The following TBC1D8 variants were observed in gnomAD, a reference collection of about 807,000 sequenced individuals.
TBC1D8 encodes the protein BUB2-like protein 1.
Under a neutral mutation model 118.8 loss-of-function variants are expected in TBC1D8, and 65 were observed. That is an observed-to-expected ratio of 0.55 (90% confidence interval 0.45 to 0.67). The LOEUF is 0.67. Ranked by LOEUF, TBC1D8 falls within the 30% of genes least tolerant of loss-of-function variation. The pLI is 0.00. For missense variants in TBC1D8, 1,376 were observed against 1,471.2 expected, an observed-to-expected ratio of 0.94 and a Z score of 1.06; for synonymous variants, 566 against 595.8, an observed-to-expected ratio of 0.95 and a Z score of 0.73.
At chr2:101,065,551 C>G (rs1360148663) in intron 2 of TBC1D8, among the ~76,000 whole-genome samples, 2 of 152,210 alleles carry the variant, frequency 1.3e-5, no homozygotes, top group East Asian at 3.8e-4. Context: ...AACATCTAAT[C>G]TGTAAGTCGA....
chr2:101,022,689 T>C (rs1204590272), intron 15 of TBC1D8, among the ~76,000 whole-genome samples, 168 bp from the exon 16 acceptor site: 2 of 152,272 alleles, frequency 1.3e-5, no homozygotes, highest in East Asian at 1.9e-4. Flanking sequence ...CATGTAATTT[T>C]CACGTTGGTT....
chr2:101,011,166 T>G (rs1679180054), intron 18 of TBC1D8, 140 bp from the exon 19 acceptor site: 1 of 827,502 alleles, frequency 1.2e-6, no homozygotes, highest in East Asian at 2.6e-5. Flanking sequence ...AGCAAGAGAT[T>G]CCCCTGGAGA....
At chr2:101,026,860 CAG>C (rs1436673136) in intron 15 of TBC1D8, among the ~76,000 whole-genome samples, 32 of 152,176 alleles carry the variant, frequency 2.1e-4, no homozygotes, top group African/African-American at 7.5e-4. Flanking sequence ...TGACAGATCA[CAG>C]AGTTATTAAA....
chr2:101,096,441 A>C (rs905296782), intron 1 of TBC1D8, among the ~76,000 whole-genome samples: 2 of 150,056 alleles, frequency 1.3e-5, no homozygotes, highest in Non-Finnish European at 3.0e-5. Context: ...AAAAAAAAAA[A>C]AAAAAACTAT....
At chr2:101,036,217 C>G in intron 8 of TBC1D8, 49 bp from the exon 9 acceptor site, 1 of 1,588,878 alleles carries the variant, frequency 6.3e-7, no homozygotes, top group Non-Finnish European at 8.6e-7. Context: ...TCCTCACCAC[C>G]CCCCACCCAC....
intron 2 of TBC1D8, among the ~76,000 whole-genome samples, chr2:101,077,035 A>T (rs1340314242): frequency 2.6e-5 from 4 of 152,062 alleles, no homozygotes; most frequent in Non-Finnish European, 4.4e-5. Flanking sequence ...TTTATTTTTA[A>T]TTTTTTGAGA....
At chr2:101,067,810 T>C (rs572285640) in intron 2 of TBC1D8, among the ~76,000 whole-genome samples, 1 of 152,374 alleles carries the variant, frequency 6.6e-6, no homozygotes, top group South Asian at 2.1e-4. Flanking sequence ...AAGATGCTGT[T>C]GGTAGCATTT....
At chr2:101,145,830 C>A (rs1055751515) in intron 1 of TBC1D8, among the ~76,000 whole-genome samples, 12 of 152,192 alleles carry the variant, frequency 7.9e-5, no homozygotes, top group Non-Finnish European at 1.2e-4. Context: ...TTCTCCTGAG[C>A]AATTCTTAAC....
chr2:101,088,730 C>T (rs1675810693), intron 2 of TBC1D8, among the ~76,000 whole-genome samples: 1 of 152,044 alleles, frequency 6.6e-6, no homozygotes, highest in African/African-American at 2.4e-5. Flanking sequence ...ACCACCACGC[C>T]CAGCTAATTT....
intron 2 of TBC1D8, among the ~76,000 whole-genome samples, chr2:101,084,920 C>T (rs916879025): frequency 5.3e-5 from 8 of 151,056 alleles, no homozygotes; most frequent in Admixed American, 6.6e-5. Flanking sequence ...TCGATCTCCG[C>T]TCACTGCAAG....
At chr2:101,067,612 TA>T (rs1208887966) in intron 2 of TBC1D8, among the ~76,000 whole-genome samples, 1 of 152,184 alleles carries the variant, frequency 6.6e-6, no homozygotes, top group Non-Finnish European at 1.5e-5. Flanking sequence ...CTTTATGGCT[TA>T]AAAAAACATT....
chr2:101,136,883 T>C (rs552919395), intron 1 of TBC1D8, among the ~76,000 whole-genome samples: 1 of 152,322 alleles, frequency 6.6e-6, no homozygotes, highest in Non-Finnish European at 1.5e-5. Context: ...TAACTCTCTA[T>C]GCTCCCATGG....
intron 1 of TBC1D8, among the ~76,000 whole-genome samples, chr2:101,136,518 C>A (rs961551090): frequency 2.0e-5 from 3 of 152,110 alleles, no homozygotes; most frequent in Non-Finnish European, 4.4e-5. Context: ...GAAAGAGAAC[C>A]GAATCCCCAC....
chr2:101,060,396 T>G (rs540870230), intron 2 of TBC1D8, among the ~76,000 whole-genome samples: 1 of 152,128 alleles, frequency 6.6e-6, no homozygotes, highest in Non-Finnish European at 1.5e-5. Flanking sequence ...AATTTACAGC[T>G]TACAAATGCA....
intron 5 of TBC1D8, among the ~76,000 whole-genome samples, chr2:101,043,633 C>A (rs1461065362): frequency 6.6e-6 from 1 of 152,104 alleles, no homozygotes; most frequent in Non-Finnish European, 1.5e-5. Flanking sequence ...TGCACCGAAT[C>A]CCTCAAATTA....
chr2:101,078,753 CAA>C, intron 2 of TBC1D8, among the ~76,000 whole-genome samples: 1,820 of 107,438 alleles, frequency 0.017, 29 homozygotes, highest in African/African-American at 0.061. Context: ...CCTTTCTTAG[CAA>C]AAAAAAAAAA....
At chr2:101,142,181 C>T (rs1436934734) in intron 1 of TBC1D8, among the ~76,000 whole-genome samples, 1 of 152,100 alleles carries the variant, frequency 6.6e-6, no homozygotes, top group Non-Finnish European at 1.5e-5. Flanking sequence ...GGATTATAGG[C>T]ATGCACCACC....
At chr2:101,031,039 T>C (rs1680640714) in intron 11 of TBC1D8, among the ~76,000 whole-genome samples, 2 of 152,230 alleles carry the variant, frequency 1.3e-5, no homozygotes, top group African/African-American at 4.8e-5. Context: ...GGTCCCCTCC[T>C]GTCTTGGGGC....
intron 5 of TBC1D8, among the ~76,000 whole-genome samples, chr2:101,048,675 C>G (rs1478972239): frequency 2.0e-5 from 3 of 151,806 alleles, no homozygotes; most frequent in African/African-American, 7.3e-5. Flanking sequence ...AATGGACACT[C>G]TCTCCCCCAC....
Sources: gnomAD v4.1 joint callset for allele counts (sites outside exome capture counted in the v4.1 genomes callset) on GRCh38, gnomAD v4.1.1 for gene constraint, MANE v1.5 for transcripts, NCBI Gene and HGNC (gene_info 2026-07-23, HGNC 2026-07-21) for gene names.